The following ATP7A variants were observed in gnomAD, a reference collection of about 807,000 sequenced individuals.
ATP7A encodes the protein copper-transporting ATPase 1.
A neutral mutation model predicts 83.5 loss-of-function variants in ATP7A; 7 were observed. The ratio of observed to expected loss-of-function variants is 0.08; its 90% CI spans 0.05 to 0.16. The LOEUF is 0.16. Among genes scored for constraint, ATP7A ranks in the 10% least tolerant of loss-of-function variants. ATP7A has a pLI of 1.00. For missense variants in ATP7A, 940 were observed against 1,120.8 expected (o/e 0.84, Z 2.30); for synonymous variants, 354 against 395.2 (o/e 0.90, Z 1.24).
chrX:78,012,782 G>C (rs782420971), intron 9 of ATP7A, 97 bp from the exon 10 acceptor site: 8 of 791,485 alleles, frequency 1.0e-5, no homozygotes, highest in Non-Finnish European at 1.5e-5. Context: ...TTAGCTAAAA[G>C]CCAAAGAAAG....
intron 17 of ATP7A, among the ~76,000 whole-genome samples, chrX:78,034,817 C>T (rs1245637336): frequency 9.3e-6 from 1 of 107,328 alleles, no homozygotes; most frequent in African/African-American, 3.4e-5. Context: ...AATCTCAGCT[C>T]ACTGCAACCT....
In ATP7A at chrX:78,020,405, T is replaced by A; in HGVS notation, c.2781+7T>A. The A allele has an allele frequency of 8.3e-7, 1 of 1,207,973 alleles. No individual in the cohort carries two copies. Among genetic ancestry groups the A allele is most frequent in the Non-Finnish European group, 1.1e-6 (1 of 891,767 alleles). On this transcript the variant is annotated splice_region_variant and intron_variant, in intron 13 of 22. Coordinates refer to ENST00000341514, the MANE Select transcript of ATP7A (RefSeq NM_000052.7). ...AGAGGCACAAACATCAAAGGTAACT[T>A]AACTCCCTAGGAGAAACACAAACTA...
intron 6 of ATP7A, among the ~76,000 whole-genome samples, chrX:78,005,157 A>G (rs1885659646): frequency 2.7e-5 from 3 of 111,583 alleles, no homozygotes; most frequent in African/African-American, 6.5e-5. Context: ...TTTCAATATT[A>G]TGAAACTTTC....
chrX:78,018,334 G>A (rs1400137801), intron 12 of ATP7A, among the ~76,000 whole-genome samples: 1 of 108,371 alleles, frequency 9.2e-6, no homozygotes, highest in African/African-American at 3.3e-5. Context: ...GTGAAACCCC[G>A]TCTCTACTAA....
At chrX:77,950,646 T>C (rs1266298531) in intron 1 of ATP7A, among the ~76,000 whole-genome samples, 2 of 111,672 alleles carry the variant, frequency 1.8e-5, no homozygotes, top group African/African-American at 6.5e-5. Context: ...TTCATGTGTA[T>C]TGGCATTTTG....
At chrX:78,036,615 TCA>T (rs1409702762) in intron 17 of ATP7A, among the ~76,000 whole-genome samples, 6 of 111,707 alleles carry the variant, frequency 5.4e-5, no homozygotes, top group Non-Finnish European at 1.1e-4. Flanking sequence ...GCGCGGTGAC[TCA>T]CGCCTGTAAT....
intron 2 of ATP7A, chrX:77,976,032 T>G (rs1557230245): frequency 8.9e-6 from 1 of 112,056 alleles, no homozygotes; most frequent in Non-Finnish European, 1.9e-5. Flanking sequence ...ACTTTGGAAT[T>G]TGATCAGCTT....
At chrX:77,945,952 G>A (rs782136273) in intron 1 of ATP7A, among the ~76,000 whole-genome samples, 1 of 110,825 alleles carries the variant, frequency 9.0e-6, no homozygotes, top group Admixed American at 9.6e-5. Context: ...GTTCATATGC[G>A]GTAATGCTTT....
chrX:78,042,851 C>A, intron 20 of ATP7A, 63 bp downstream of exon 20: 2 of 1,089,203 alleles, frequency 1.8e-6, no homozygotes, highest in South Asian at 1.8e-5. Flanking sequence ...ATGATAATGT[C>A]ATAAAGTATA....
intron 1 of ATP7A, among the ~76,000 whole-genome samples, chrX:77,920,005 G>T: frequency 9.0e-6 from 1 of 111,177 alleles, no homozygotes; most frequent in Middle Eastern, 4.6e-3. Context: ...GGTACTTTTT[G>T]AAAAATAATT....
At chrX:77,939,021 C>T (rs1266935541) in intron 1 of ATP7A, among the ~76,000 whole-genome samples, 2 of 111,489 alleles carry the variant, frequency 1.8e-5, no homozygotes, top group African/African-American at 3.3e-5. Flanking sequence ...TTTGGCTGGG[C>T]GTGGTGGCTC....
intron 1 of ATP7A, among the ~76,000 whole-genome samples, chrX:77,934,694 T>G (rs1488954246): frequency 9.0e-6 from 1 of 110,530 alleles, no homozygotes; most frequent in Non-Finnish European, 1.9e-5. Flanking sequence ...TCTAAAAGTT[T>G]CAGATTTTGG....
At chrX:77,952,336 T>G (rs781887212) in intron 1 of ATP7A, among the ~76,000 whole-genome samples, 1 of 112,510 alleles carries the variant, frequency 8.9e-6, no homozygotes, top group African/African-American at 3.2e-5. Context: ...GCATTCCTAT[T>G]GCTCCACATC....
intron 12 of ATP7A, among the ~76,000 whole-genome samples, chrX:78,018,844 G>A (rs1454230285): frequency 2.7e-5 from 3 of 110,801 alleles, no homozygotes; most frequent in Admixed American, 9.7e-5. Flanking sequence ...GAAGGTGAAG[G>A]GGGCAAGGAC....
At chrX:78,009,488 G>A (rs1162792724) in intron 7 of ATP7A, 2 of 401,635 alleles carry the variant, frequency 5.0e-6, no homozygotes, top group African/African-American at 5.1e-5. Context: ...TTAATCAGGA[G>A]CAAACAAGTT....
At chrX:77,975,366 C>A (rs1037276864) in intron 2 of ATP7A, 4 of 109,871 alleles carry the variant, frequency 3.6e-5, no homozygotes, top group Non-Finnish European at 7.6e-5. Flanking sequence ...TTTCTCATTT[C>A]TCTCCAACTT....
chrX:77,997,464 C>T (rs1163502007), intron 4 of ATP7A, among the ~76,000 whole-genome samples: 1 of 112,516 alleles, frequency 8.9e-6, no homozygotes, highest in Non-Finnish European at 1.9e-5. Context: ...TGAAAACCAG[C>T]TCTTCTGTGC....
chrX:78,046,636 T>G lies in ATP7A; in HGVS notation c.*66T>G. The G allele has an allele frequency of 1.7e-6, 2 of 1,161,604 alleles. No individual in the cohort carries two copies. The highest frequency in any genetic ancestry group is 2.3e-6 in the Non-Finnish European group (2 of 852,382). ...TGACACAGCATTCATGATGTTACCT[T>G]CACTTTTCAAAATATTGTAGAAGGA... On this transcript the variant is annotated 3_prime_UTR_variant, in exon 23 of 23. Coordinates refer to ENST00000341514, the MANE Select transcript of ATP7A (RefSeq NM_000052.7).
chrX:78,036,830 G>C, intron 17 of ATP7A, among the ~76,000 whole-genome samples: 1 of 111,759 alleles, frequency 8.9e-6, no homozygotes, highest in Non-Finnish European at 1.9e-5. Flanking sequence ...CAGAAGCAGG[G>C]AGATGAGTTG....
Sources: allele counts gnomAD v4.1 joint callset (sites outside exome capture counted in the v4.1 genomes callset), GRCh38; gene constraint gnomAD v4.1.1; transcripts MANE v1.5; gene names NCBI Gene and HGNC (gene_info 2026-07-23, HGNC 2026-07-21).